The following LINGO2 variants were observed in gnomAD, a reference collection of about 807,000 sequenced individuals.
The protein encoded by LINGO2 is leucine rich repeat and Ig domain containing 2.
A neutral mutation model predicts 30.6 loss-of-function variants in LINGO2; 14 were observed. The observed-to-expected ratio is 0.46, with a 90% CI of 0.30 to 0.72. LINGO2 has a LOEUF of 0.72. Among genes scored for constraint, LINGO2 ranks in the 30% least tolerant of loss-of-function variants. The pLI is 0.07. For missense variants in LINGO2, 729 were observed against 751.7 expected, an observed-to-expected ratio of 0.97 and a Z score of 0.35; for synonymous variants, 317 against 288.5, an observed-to-expected ratio of 1.10 and a Z score of -1.00.
At chr9:28,959,291 A>G in the LINGO2 span, among the ~76,000 whole-genome samples, 1 of 152,154 alleles carries the variant, frequency 6.6e-6, no homozygotes, top group Non-Finnish European at 1.5e-5. Context: ...CTGGAAAATT[A>G]TCATAGTCTA....
At chr9:29,212,416 T>A in the LINGO2 span, among the ~76,000 whole-genome samples, 1 of 151,992 alleles carries the variant, frequency 6.6e-6, no homozygotes, top group East Asian at 1.9e-4. Context: ...CGACGCCGGT[T>A]GCAGGGAGCC....
At chr9:28,036,191 GA>G in intron 4 of LINGO2, among the ~76,000 whole-genome samples, 1 of 152,176 alleles carries the variant, frequency 6.6e-6, no homozygotes, top group Non-Finnish European at 1.5e-5. Context: ...ATTTGTAGGT[GA>G]AAAGGCAATC....
At chr9:28,561,757 A>G (rs1486126498) in intron 1 of LINGO2, among the ~76,000 whole-genome samples, 7 of 108,152 alleles carry the variant, frequency 6.5e-5, no homozygotes, top group South Asian at 2.9e-4. Flanking sequence ...GTGTATATAT[A>G]TATATATATA....
chr9:29,053,156 CATAT>C, the LINGO2 span, among the ~76,000 whole-genome samples: 3 of 151,760 alleles, frequency 2.0e-5, no homozygotes, highest in Non-Finnish European at 4.4e-5. Flanking sequence ...AAATAAAGTA[CATAT>C]GGAAATCTGC....
chr9:28,315,730 G>A (rs922561244), intron 3 of LINGO2, among the ~76,000 whole-genome samples: 4 of 152,148 alleles, frequency 2.6e-5, no homozygotes, highest in African/African-American at 4.8e-5. Flanking sequence ...AACATCCACT[G>A]TAGTTCAGCA....
At chr9:28,300,059 A>C (rs1401814965) in intron 3 of LINGO2, among the ~76,000 whole-genome samples, 9 of 151,894 alleles carry the variant, frequency 5.9e-5, no homozygotes, top group Non-Finnish European at 1.3e-4. Context: ...ATTTTGAGAT[A>C]CACAGTTTTA....
chr9:28,627,294 C>A (rs940962209), intron 1 of LINGO2, among the ~76,000 whole-genome samples: 2 of 151,966 alleles, frequency 1.3e-5, no homozygotes, highest in Non-Finnish European at 2.9e-5. Context: ...TGATTATGTA[C>A]CTTACAGCTC....
the LINGO2 span, among the ~76,000 whole-genome samples, chr9:28,787,778 C>A: frequency 6.6e-6 from 1 of 152,104 alleles, no homozygotes; most frequent in Non-Finnish European, 1.5e-5. Flanking sequence ...TCTGTAAATA[C>A]ATTCATCATT....
intron 2 of LINGO2, among the ~76,000 whole-genome samples, chr9:28,398,189 A>G (rs1235303996): frequency 6.6e-6 from 1 of 152,166 alleles, no homozygotes; most frequent in Non-Finnish European, 1.5e-5. Flanking sequence ...AGGTCAGACT[A>G]TTTAATCTAA....
chr9:28,192,543 G>A (rs914619772), intron 4 of LINGO2, among the ~76,000 whole-genome samples: 3 of 151,898 alleles, frequency 2.0e-5, no homozygotes, highest in African/African-American at 7.3e-5. Flanking sequence ...GTCTCTGATT[G>A]TGATATGCTA....
intron 4 of LINGO2, among the ~76,000 whole-genome samples, chr9:28,240,475 C>T (rs1028509325): frequency 6.6e-6 from 1 of 151,986 alleles, no homozygotes; most frequent in Non-Finnish European, 1.5e-5. Flanking sequence ...GTAGAGAACC[C>T]AGAAATAAAT....
chr9:28,879,330 A>G, the LINGO2 span, among the ~76,000 whole-genome samples: 8 of 152,282 alleles, frequency 5.3e-5, no homozygotes, highest in East Asian at 1.3e-3. Flanking sequence ...ATGTAGTAGC[A>G]CTGAACTTAA....
In LINGO2 at chr9:28,514,069, C is replaced by T. The variant is rs533218767; in HGVS notation, c.-364-38044G>A. Among the ~76,000 whole-genome samples the T allele has an allele frequency of 1.2e-4, 19 of 152,262 alleles. No individual in the cohort carries two copies. The South Asian group carries it at 2.3e-3, about 18-fold the overall frequency. ...GTGATCTCTGATCCACGATCTTTGA[C>T]GTTACTGTTGTAATTGTTTTGAAAT... On this transcript the variant is annotated intron_variant, in intron 1 of 5. Coordinates refer to ENST00000379992, the Ensembl canonical transcript of LINGO2.
chr9:28,195,538 T>C (rs946003144), intron 4 of LINGO2, among the ~76,000 whole-genome samples: 1 of 150,508 alleles, frequency 6.6e-6, no homozygotes, highest in South Asian at 2.1e-4. Context: ...ATAATTATAA[T>C]AATAATTAAA....
chr9:28,806,086 C>A, the LINGO2 span, among the ~76,000 whole-genome samples: 5 of 108,706 alleles, frequency 4.6e-5, no homozygotes, highest in African/African-American at 1.4e-4. Flanking sequence ...CTTAGTCAAT[C>A]TTCCATTTGG....
At chr9:29,193,641 G>A in the LINGO2 span, among the ~76,000 whole-genome samples, 7 of 152,144 alleles carry the variant, frequency 4.6e-5, no homozygotes, top group Non-Finnish European at 7.4e-5. Context: ...GCAAAGGGCT[G>A]GGGACTGGGT....
chr9:28,962,454 T>C, the LINGO2 span, among the ~76,000 whole-genome samples: 1 of 152,094 alleles, frequency 6.6e-6, no homozygotes, highest in Non-Finnish European at 1.5e-5. Flanking sequence ...TTAAATGTTC[T>C]TGAAGTATGA....
At chr9:28,561,424 G>C (rs1823050241) in intron 1 of LINGO2, among the ~76,000 whole-genome samples, 1 of 151,550 alleles carries the variant, frequency 6.6e-6, no homozygotes, top group African/African-American at 2.4e-5. Flanking sequence ...TAAAGTGTAG[G>C]AGAACCTCTG....
At chr9:28,627,425 CT>C (rs1364219907) in intron 1 of LINGO2, among the ~76,000 whole-genome samples, 2 of 152,000 alleles carry the variant, frequency 1.3e-5, no homozygotes, top group Non-Finnish European at 2.9e-5. Context: ...TTACCATCTG[CT>C]CTGCAAATTC....
Sources: gnomAD v4.1 joint callset for allele counts (sites outside exome capture counted in the v4.1 genomes callset) on GRCh38, gnomAD v4.1.1 for gene constraint, MANE v1.5 for transcripts, NCBI Gene and HGNC (gene_info 2026-07-23, HGNC 2026-07-21) for gene names.